The following LUC7L variants were observed in gnomAD, a reference collection of about 807,000 sequenced individuals.
LUC7L encodes LUC7 like.
In LUC7L, 29 loss-of-function variants were observed where a neutral mutation model predicts 51.1. That is an observed-to-expected ratio of 0.57 (90% confidence interval 0.42 to 0.77). The LOEUF is 0.77. Among genes scored for constraint, LUC7L ranks in the 30% least tolerant of loss-of-function variants. LUC7L has a pLI of 0.00. For missense variants in LUC7L, 403 were observed against 511.9 expected, an observed-to-expected ratio of 0.79 and a Z score of 2.05; for synonymous variants, 181 against 180.7, an observed-to-expected ratio of 1.00 and a Z score of -0.01.
At chr16:191,268 AAAAGCAAAGCCCG>A (rs1440584863) in intron 7 of LUC7L, among the ~76,000 whole-genome samples, 2 of 152,228 alleles carry the variant, frequency 1.3e-5, no homozygotes, top group Non-Finnish European at 2.9e-5. Flanking sequence ...ACAGAAAAGG[AAAAGCAAAGCCCG>A]AAGTTCCAGG....
intron 5 of LUC7L, among the ~76,000 whole-genome samples, chr16:199,956 T>C (rs2974777): frequency 0.84 from 127,772 of 151,518 alleles, 54,497 homozygotes; most frequent in East Asian, 1. Context: ...TGCCACTGCA[T>C]TCCAGCCTGG....
intron 3 of LUC7L, among the ~76,000 whole-genome samples, chr16:213,981 T>C (rs1379383678): frequency 6.6e-6 from 1 of 152,196 alleles, no homozygotes; most frequent in Non-Finnish European, 1.5e-5. Context: ...CCCAAAGTGC[T>C]GGGATTACAG....
intron 3 of LUC7L, among the ~76,000 whole-genome samples, chr16:211,616 T>TA (rs575247431): frequency 2.8e-4 from 43 of 151,986 alleles, no homozygotes; most frequent in South Asian, 1.2e-3. Flanking sequence ...ATCTAAATGA[T>TA]AAAAAAAAGA....
At chr16:226,363 C>T (rs1244762127) in intron 2 of LUC7L, among the ~76,000 whole-genome samples, 3 of 152,190 alleles carry the variant, frequency 2.0e-5, no homozygotes, top group Non-Finnish European at 4.4e-5. Flanking sequence ...GTGGTCTCTA[C>T]AGGACTCCTT....
At chr16:193,435 G>A (rs1030922135) in intron 6 of LUC7L, among the ~76,000 whole-genome samples, 1 of 152,022 alleles carries the variant, frequency 6.6e-6, no homozygotes, top group Non-Finnish European at 1.5e-5. Flanking sequence ...ATGAGCCACC[G>A]CGCCCGGCCA....
intron 6 of LUC7L, among the ~76,000 whole-genome samples, chr16:196,028 G>A (rs1182502476): frequency 6.6e-6 from 1 of 152,108 alleles, no homozygotes; most frequent in Non-Finnish European, 1.5e-5. Flanking sequence ...TCTTAAGGTA[G>A]AAGGGAAAAA....
At chr16:208,298 G>A in intron 3 of LUC7L, 110 bp from the exon 4 acceptor site, 1 of 732,994 alleles carries the variant, frequency 1.4e-6, no homozygotes, top group Non-Finnish European at 2.3e-6. Flanking sequence ...TTTAAAGCCT[G>A]TACATTCAAG....
Position 189,169 on chromosome 16 carries a change from A to T in LUC7L, c.*29T>A. The T allele has an allele frequency of 1.9e-6, 3 of 1,592,582 alleles. No homozygotes were observed. The highest frequency in any genetic ancestry group is 2.6e-6 in the Non-Finnish European group (3 of 1,165,748). On this transcript the variant is annotated 3_prime_UTR_variant, in exon 10 of 10. Transcript: ENST00000293872. Reference sequence around the variant, plus strand: ...ATTTTAGACTGTGTGAACGTTTATCAGACTATTTACAGCACCCGGGAGACG... The same window carrying T: ...ATTTTAGACTGTGTGAACGTTTATCTGACTATTTACAGCACCCGGGAGACG...
chr16:225,820 G>T (rs1254753133), intron 2 of LUC7L, among the ~76,000 whole-genome samples: 1 of 151,398 alleles, frequency 6.6e-6, no homozygotes, highest in East Asian at 1.9e-4. Context: ...GAAAAGAAAA[G>T]AAAAGAAAAG....
intron 3 of LUC7L, among the ~76,000 whole-genome samples, chr16:218,193 CA>C (rs112619322): frequency 1.5e-3 from 211 of 136,548 alleles, no homozygotes; most frequent in Middle Eastern, 7.2e-3. Flanking sequence ...CACTCCGTCT[CA>C]AAAAAAAAAA....
At chr16:210,347 G>A (rs1034941906) in intron 3 of LUC7L, among the ~76,000 whole-genome samples, 3 of 152,176 alleles carry the variant, frequency 2.0e-5, no homozygotes, top group African/African-American at 7.2e-5. Context: ...CAACATTTCA[G>A]TATGTTCAAA....
chr16:207,848 A>T (rs756271645), intron 4 of LUC7L, among the ~76,000 whole-genome samples: 4 of 152,160 alleles, frequency 2.6e-5, no homozygotes, highest in Non-Finnish European at 5.9e-5. Flanking sequence ...TCTCTACTAA[A>T]AATACAAAAA....
At position 194,711 on chromosome 16, in the gene LUC7L, C is replaced by T. The variant is rs566593681; in HGVS notation, c.688-1696G>A. 8.4e-4 allele frequency among the ~76,000 whole-genome samples: 128 copies of T among 152,218 alleles called. 1 individual carries two copies. Among genetic ancestry groups the T allele is most frequent in the South Asian group, 5.2e-3 (25 of 4,814 alleles). On this transcript the variant is annotated intron_variant, in intron 6 of 9. Coordinates refer to ENST00000293872, the MANE Select transcript of LUC7L (RefSeq NM_201412.3). The stretch of plus-strand genomic sequence containing the variant: ...AATCCTCTGCAACTGGCTTTCAACA[C>T]AGGATGATGTGAATCATCAGGCTTG...
rs149812695 is a variant in LUC7L at position 223,918 on chromosome 16, C to T, written c.157-3171G>A. Among the ~76,000 whole-genome samples the T allele has an allele frequency of 1.6e-3, 240 of 152,092 alleles. 1 individual carries two copies. The highest frequency in any genetic ancestry group is 5.6e-3 in the African/African-American group (232 of 41,502). On this transcript the variant is annotated intron_variant, in intron 2 of 9. Coordinates refer to ENST00000293872, the MANE Select transcript of LUC7L (RefSeq NM_201412.3). The stretch of plus-strand genomic sequence containing the variant: ...AACTCCTGACCTCAAGTGATCCACC[C>T]GCCTCCTCCTCCTCCTCCCGAAGTG...
intron 3 of LUC7L, 178 bp from the exon 4 acceptor site, chr16:208,366 G>T: frequency 1.9e-6 from 1 of 540,058 alleles, no homozygotes; most frequent in Non-Finnish European, 3.2e-6. Flanking sequence ...AAATCAAGGG[G>T]ATCTGTTAAA....
At chr16:229,078 A>G (rs1238169349) in intron 1 of LUC7L, 11 of 1,413,132 alleles carry the variant, frequency 7.8e-6, no homozygotes, top group Non-Finnish European at 1.0e-5. Flanking sequence ...CCGAGAGAGG[A>G]GCCCGACCTG....
At chr16:190,601 C>T in intron 7 of LUC7L, 31 bp from the exon 8 acceptor site, 2 of 1,610,186 alleles carry the variant, frequency 1.2e-6, no homozygotes, top group Non-Finnish European at 1.7e-6. Flanking sequence ...TGAACAAGGC[C>T]AGGCATGGTG....
intron 1 of LUC7L, chr16:228,198 T>C (rs2050177042): frequency 7.9e-7 from 1 of 1,273,666 alleles, no homozygotes; most frequent in East Asian, 5.6e-5. Flanking sequence ...TATTTTAGGA[T>C]TTGCAAGCAT....
intron 7 of LUC7L, 94 bp downstream of exon 7, chr16:192,833 G>T: frequency 9.2e-7 from 1 of 1,092,340 alleles, no homozygotes; most frequent in Non-Finnish European, 1.4e-6. Flanking sequence ...GGCCTATTGG[G>T]CAGGCCCTGC....
Sources: gnomAD v4.1 joint callset for allele counts (sites outside exome capture counted in the v4.1 genomes callset) on GRCh38, gnomAD v4.1.1 for gene constraint, MANE v1.5 for transcripts, NCBI Gene and HGNC (gene_info 2026-07-23, HGNC 2026-07-21) for gene names.